The following ZXDC variants were observed in gnomAD, a reference collection of about 807,000 sequenced individuals.
The protein encoded by ZXDC is zinc finger protein ZXDC.
A neutral mutation model predicts 63.6 loss-of-function variants in ZXDC; 58 were observed. That is an observed-to-expected ratio of 0.91 (90% CI 0.74 to 1.13). The LOEUF is 1.13. Ranked by LOEUF, ZXDC falls within the 50% of genes most tolerant of loss-of-function variation. The pLI is 0.00. For missense variants in ZXDC, 1,133 were observed against 1,148.9 expected (o/e 0.99, Z 0.20); for synonymous variants, 561 against 496.1 (o/e 1.13, Z -1.74).
At chr3:126,451,396 C>T (rs1048673716) in intron 7 of ZXDC, 1 of 985,244 alleles carries the variant, frequency 1.0e-6, no homozygotes, top group African/African-American at 1.7e-5. Flanking sequence ...ATAAACAGTC[C>T]CGCACTGAGC....
At position 126,475,266 on chromosome 3, in the gene ZXDC, G is replaced by C; in HGVS notation, c.600C>G (p.Gly200=). Residue 200 remains glycine (G), a synonymous_variant, in exon 1 of 10, where the codon GGC becomes GGG. Coordinates refer to ENST00000389709, the MANE Select transcript of ZXDC (RefSeq NM_025112.5). ...TGAAGGGCCGCCGGCCCTGACCGCC[G>C]CCGTGCGTGAGCAGGTGCACCTTGA... is the stretch of plus-strand genomic sequence containing the variant. ...HQLKVHLLTH[G]GGQGRRPFKC... 1.9e-6 allele frequency: 3 copies of C among 1,554,066 alleles called. No homozygotes were observed. The highest frequency in any genetic ancestry group is 2.6e-6 in the Non-Finnish European group (3 of 1,148,682).
chr3:126,441,728 C>T (rs1345034397), intron 8 of ZXDC, 37 bp downstream of exon 8: 8 of 1,530,646 alleles, frequency 5.2e-6, no homozygotes, highest in East Asian at 4.6e-5. Flanking sequence ...CCTCCCACCC[C>T]GCCTACAGCT....
chr3:126,447,023 G>A (rs1239468586), intron 7 of ZXDC, among the ~76,000 whole-genome samples: 2 of 152,210 alleles, frequency 1.3e-5, no homozygotes, highest in African/African-American at 4.8e-5. Context: ...GCTTAGGGAT[G>A]TGCTGCTCAC....
intron 7 of ZXDC, chr3:126,454,372 GGC>G (rs1398039781): frequency 1.0e-6 from 1 of 985,138 alleles, no homozygotes; most frequent in Non-Finnish European, 1.2e-6. Context: ...TTCTGTTGTA[GGC>G]TACACATGAA....
At chr3:126,461,130 G>T in intron 6 of ZXDC, 1 of 990,868 alleles carries the variant, frequency 1.0e-6, no homozygotes, top group Non-Finnish European at 1.2e-6. Flanking sequence ...GTTTGGTATG[G>T]TTTTAAAGTT....
intron 1 of ZXDC, among the ~76,000 whole-genome samples, chr3:126,472,995 A>C (rs1935036892): frequency 6.6e-6 from 1 of 152,132 alleles, no homozygotes; most frequent in South Asian, 2.1e-4. Flanking sequence ...GTTTAACAGG[A>C]GTCTTTGCTG....
At chr3:126,463,772 A>C (rs1443721260) in intron 5 of ZXDC, among the ~76,000 whole-genome samples, 1 of 152,238 alleles carries the variant, frequency 6.6e-6, no homozygotes, top group Non-Finnish European at 1.5e-5. Context: ...ACTGTTCCCA[A>C]GCTCATACCT....
Position 126,475,614 on chromosome 3 carries a change from G to T in ZXDC, c.252C>A (p.Gly84=). The T allele has an allele frequency of 1.4e-6, 2 of 1,472,480 alleles. No homozygotes were observed. The highest frequency in any genetic ancestry group is 1.9e-4 in the Middle Eastern group (1 of 5,390). 91.2% of individuals were successfully genotyped at this position (1,472,480 alleles called of 1,614,324 possible). A position where few individuals can be genotyped will look rare whatever the true frequency, so the allele number is the denominator to read the frequency against. The change falls in exon 1 of 10, where the codon GGC becomes GGA. Residue 84 remains glycine, a synonymous_variant. Coordinates refer to ENST00000389709, the MANE Select transcript of ZXDC (RefSeq NM_025112.5). ...SFLVLLEVPH[G]GAAAEAAGSQ... The stretch of plus-strand genomic sequence containing the variant: ...ATCCGGCAGCCTCGGCGGCAGCGCC[G>T]CCGTGCGGCACTTCCAGCAGCACCA...
In ZXDC at chr3:126,441,851, C is replaced by T. The variant is rs772385531; in HGVS notation, c.2308G>A (p.Val770Met). 2.3e-5 allele frequency: 37 copies of T among 1,613,852 alleles called. No homozygotes were observed. Among genetic ancestry groups the T allele is most frequent in the Non-Finnish European group, 2.8e-5 (33 of 1,179,906 alleles). ...SQNSWLCGSLVVPSGGRPGPA... is the reference protein window; with the variant it reads ...SQNSWLCGSLMVPSGGRPGPA... ...CCTGGCCGTCCTCCGCTGGGCACCA[C>T]GAGGCTCCCACACAACCAACTGTTC... The change falls in exon 8 of 10, where the codon GTG becomes ATG. Residue 770 changes from valine (V) to methionine (M), a missense_variant. Val to Met is a conservative substitution (Grantham distance 21, BLOSUM62 1). Coordinates refer to ENST00000389709, the MANE Select transcript of ZXDC (RefSeq NM_025112.5).
intron 7 of ZXDC, among the ~76,000 whole-genome samples, chr3:126,447,157 G>A (rs976066403): frequency 3.3e-5 from 5 of 152,162 alleles, no homozygotes; most frequent in African/African-American, 9.7e-5. Flanking sequence ...TACCTTCCCA[G>A]ATGAACTTAA....
chr3:126,462,230 A>G lies in ZXDC; in HGVS notation c.1442-10T>C, dbSNP rs1190183303. 6.3e-7 allele frequency: 1 copy of G among 1,578,772 alleles called. No homozygotes were observed. Among genetic ancestry groups the G allele is most frequent in the Non-Finnish European group, 8.6e-7 (1 of 1,168,444 alleles). On this transcript the variant is annotated splice_polypyrimidine_tract_variant and intron_variant, in intron 5 of 9. Transcript: ENST00000389709. ...AGCTGAGGTAAGAGATCTGAAAAAA[A>G]AAGGAATACACTCTGGTTACTTTAT...
chr3:126,464,657 T>C (rs769027461), intron 5 of ZXDC, among the ~76,000 whole-genome samples: 5 of 151,940 alleles, frequency 3.3e-5, no homozygotes, highest in Non-Finnish European at 5.9e-5. Flanking sequence ...TGCAGACTTC[T>C]CAATTGGCCA....
intron 9 of ZXDC, among the ~76,000 whole-genome samples, chr3:126,439,028 C>T (rs988143379): frequency 2.0e-5 from 3 of 152,340 alleles, no homozygotes; most frequent in African/African-American, 4.8e-5. Flanking sequence ...GCTGCCAAAC[C>T]GCCCTCCAGC....
At chr3:126,438,563 C>T (rs1292134779) in intron 9 of ZXDC, 102 bp from the exon 10 acceptor site, 4 of 998,686 alleles carry the variant, frequency 4.0e-6, no homozygotes, top group East Asian at 5.2e-5. Flanking sequence ...TGGTGAGATA[C>T]CTGACTTCTC....
Position 126,453,610 on chromosome 3 carries a change from C to T in ZXDC, c.2212+6043G>A, listed in dbSNP as rs181992365. On this transcript the variant is annotated intron_variant, in intron 7 of 9. Transcript: ENST00000389709. The stretch of plus-strand genomic sequence containing the variant: ...CCATTTCACAAAGGAGAAAGCTGAA[C>T]GTGCAGGGAAGTCACTGGCTCAAGA... The T allele has an allele frequency of 5.1e-5, 50 of 985,440 alleles. No individual in the cohort carries two copies. The African/African-American group carries it at 7.7e-4, about 15-fold the overall frequency. 61.0% of individuals were successfully genotyped at this position (985,440 alleles called of 1,614,324 possible). A position where few individuals can be genotyped will look rare whatever the true frequency, so the allele number is the denominator to read the frequency against.
chr3:126,475,762 G>T lies in ZXDC; in HGVS notation c.104C>A (p.Pro35His). 1 of 1,150,472 alleles carries T rather than the reference G, an allele frequency of 8.7e-7. No homozygotes were observed. Among genetic ancestry groups the T allele is most frequent in the Non-Finnish European group, 1.1e-6 (1 of 937,746 alleles). 71.3% of individuals were successfully genotyped at this position (1,150,472 alleles called of 1,614,324 possible). The change falls in exon 1 of 10, where the codon CCC (proline) becomes CAC (histidine). Residue 35 changes from proline to histidine, a missense_variant. Coordinates refer to ENST00000389709, the MANE Select transcript of ZXDC (RefSeq NM_025112.5). ...CACCAGTAGCAGGCGGCGGCGCGCG[G>T]GGCTCGCGCCGAGCGGCGCTGGGGC... ...RRAPAPLGAS[P>H]ARRRLLLVRG...
chr3:126,475,882 G>T lies in ZXDC; in HGVS notation c.-17C>A. On this transcript the variant is annotated 5_prime_UTR_variant, in exon 1 of 10. Coordinates refer to ENST00000389709, the MANE Select transcript of ZXDC (RefSeq NM_025112.5). ...GAGGTCCATCTTGGTCCCAGCGACG[G>T]CGTCGGAGCAGCTTCGGACGCAGAG... is the stretch of plus-strand genomic sequence containing the variant. 1.9e-6 allele frequency: 2 copies of T among 1,074,632 alleles called. No homozygotes were observed. Among genetic ancestry groups the T allele is most frequent in the Non-Finnish European group, 2.3e-6 (2 of 888,120 alleles). 66.6% of individuals were successfully genotyped at this position (1,074,632 alleles called of 1,614,324 possible).
chr3:126,470,150 G>GA (rs1159999197), intron 4 of ZXDC, among the ~76,000 whole-genome samples: 1 of 151,962 alleles, frequency 6.6e-6, no homozygotes, highest in Non-Finnish European at 1.5e-5. Context: ...TGTTTTAAAG[G>GA]AAAAAACCAC....
intron 7 of ZXDC, chr3:126,450,248 T>C (rs777493): frequency 0.93 from 403,033 of 434,484 alleles, 188,170 homozygotes; most frequent in East Asian, 0.99. Flanking sequence ...CAACCTTGGA[T>C]GCGTAAGGGT....
Sources: gnomAD v4.1 joint callset for allele counts (sites outside exome capture counted in the v4.1 genomes callset) on GRCh38, gnomAD v4.1.1 for gene constraint, MANE v1.5 for transcripts, NCBI Gene and HGNC (gene_info 2026-07-23, HGNC 2026-07-21) for gene names.